The following FSCN2 variants were observed in gnomAD, a reference collection of about 807,000 sequenced individuals.
The protein encoded by FSCN2 is fascin actin-bundling protein 2, retinal, also known as fascin-2.
In FSCN2, 46 loss-of-function variants were observed where a neutral mutation model predicts 37.8. That is an observed-to-expected ratio of 1.22 (90% confidence interval 0.96 to 1.56). The LOEUF (loss-of-function observed/expected upper bound fraction) is 1.56. Among genes scored for constraint, FSCN2 ranks in the 40% most tolerant of loss-of-function variants. The pLI, the probability that FSCN2 is intolerant of heterozygous loss-of-function variation, is 0.00. For synonymous variants in FSCN2, 351 were observed against 309.4 expected, an observed-to-expected ratio of 1.13 and a Z score of -1.41; for missense variants, 844 against 730.4, an observed-to-expected ratio of 1.16 and a Z score of -1.79.
rs189141743 is a variant in FSCN2 at position 81,534,134 on chromosome 17, G to C, written c.827-918G>C. Among the ~76,000 whole-genome samples, 686 of 152,328 alleles carry C rather than the reference G, an allele frequency of 4.5e-3. 6 individuals are homozygous for C. Among genetic ancestry groups the C allele is most frequent in the Middle Eastern group, 0.02 (6 of 294 alleles). On this transcript the variant is annotated intron_variant, in intron 1 of 4. Transcript: ENST00000417245. ...TCTGATCAGTGATGAGTGTGAGGGA[G>C]ATCCCAGCCTGGGGCGTGAGGGGCA...
At chr17:81,515,555 G>A in the FSCN2 span, among the ~76,000 whole-genome samples, 1 of 152,200 alleles carries the variant, frequency 6.6e-6, no homozygotes, top group Non-Finnish European at 1.5e-5. Flanking sequence ...TAGTGGATAC[G>A]ACAACAGTGG....
At position 81,536,678 on chromosome 17, in the gene FSCN2, G is replaced by A. The variant is rs529675478; in HGVS notation, c.1162G>A (p.Gly388Ser). The change falls in exon 4 of 5, where the codon GGC (glycine) becomes AGC (serine). Residue 388 changes from glycine to serine, a missense_variant. Gly to Ser is a moderately conservative substitution (Grantham distance 56). Transcript: ENST00000417245. Reference protein sequence around the residue: ...LINRPILVLRGLDGFVCHHRG... With the variant: ...LINRPILVLRSLDGFVCHHRG... ...CAACCGGCCCATCCTGGTGCTGCGC[G>A]GCCTGGACGGCTTCGTCTGCCACCA... 8.1e-6 allele frequency: 13 copies of A among 1,611,160 alleles called. No individual in the cohort carries two copies. Among genetic ancestry groups the A allele is most frequent in the South Asian group, 7.7e-5 (7 of 90,912 alleles).
rs1274917010 is a variant in FSCN2 at position 81,528,702 on chromosome 17, T to C, written c.171T>C (p.Ala57=). The change falls in exon 1 of 5, where the codon GCT becomes GCC. Residue 57 remains alanine (A), a synonymous_variant. Coordinates refer to ENST00000417245, the MANE Select transcript of FSCN2 (RefSeq NM_012418.4). ...AACCCGACCCAGGACAAGGCACGGC[T>C]GTGCTGCTCCGCAGCAGCCACCTGG... The part of the protein sequence containing the change: ...VLEPDPGQGT[A]VLLRSSHLGR... The C allele has an allele frequency of 1.2e-6, 2 of 1,600,622 alleles. No individual in the cohort carries two copies. The highest frequency in any genetic ancestry group is 2.7e-5 in the African/African-American group (2 of 74,704).
At chr17:81,531,715 T>G (rs2032623204) in intron 1 of FSCN2, among the ~76,000 whole-genome samples, 1 of 116,528 alleles carries the variant, frequency 8.6e-6, no homozygotes, top group African/African-American at 3.8e-5. Flanking sequence ...ATGATAGTGA[T>G]GGTGGTGATG....
chr17:81,516,080 G>A, the FSCN2 span, among the ~76,000 whole-genome samples: 2 of 152,250 alleles, frequency 1.3e-5, no homozygotes, highest in African/African-American at 4.8e-5. Flanking sequence ...CTGACCTTAA[G>A]TGATCCACTC....
rs956779574 is a variant in FSCN2, at chr17:81,536,940, G to A, written c.1339G>A (p.Glu447Lys). The A allele has an allele frequency of 1.1e-5, 18 of 1,571,052 alleles. 1 individual carries two copies. The Admixed American group carries it at 1.6e-4, about 14-fold the overall frequency. ...GSVCSDGERA[E>K]DFVFEFRERG... Reference sequence around the variant, plus strand: ...CGTGTGCAGCGACGGCGAACGCGCCGAGGACTTCGTCTTCGAGTTCCGTGA... The same window carrying A: ...CGTGTGCAGCGACGGCGAACGCGCCAAGGACTTCGTCTTCGAGTTCCGTGA... The change falls in exon 5 of 5, where the codon GAG (glutamate) becomes AAG (lysine). Residue 447 changes from glutamate (E) to lysine (K), a missense_variant. Transcript: ENST00000417245.
At chr17:81,531,317 GAT>G (rs1555671249) in intron 1 of FSCN2, among the ~76,000 whole-genome samples, 11 of 65,696 alleles carry the variant, frequency 1.7e-4, no homozygotes, top group East Asian at 1.3e-3. Flanking sequence ...TGGTGGTGGT[GAT>G]GATGGTGGTG....
rs576893967 is a variant in FSCN2, at chr17:81,532,313, G to A, written c.827-2739G>A. 2.0e-3 allele frequency among the ~76,000 whole-genome samples: 280 copies of A among 141,040 alleles called. 1 individual carries two copies. The highest frequency in any genetic ancestry group is 3.5e-3 in the Non-Finnish European group (233 of 66,060). The allele number at this position is 141,040 out of a possible 152,430, so 92.5% of individuals were successfully genotyped here. On this transcript the variant is annotated intron_variant, in intron 1 of 4. Transcript: ENST00000417245. ...TGGTGATGATGATGATAGTGATGGC[G>A]ATGATGGTGATGATAGTGATGGTGA...
chr17:81,524,943 G>A (rs1313147108), upstream of FSCN2, among the ~76,000 whole-genome samples: 2 of 133,274 alleles, frequency 1.5e-5, no homozygotes, highest in Admixed American at 1.5e-4. Flanking sequence ...CATGCACAAC[G>A]CTGCACCCAT....
Position 81,531,732 on chromosome 17 carries a change from G to A in FSCN2, c.826+2375G>A, listed in dbSNP as rs1434830847. Among the ~76,000 whole-genome samples, 99 of 122,914 alleles carry A rather than the reference G, an allele frequency of 8.1e-4. 8 individuals are homozygous for A. The highest frequency in any genetic ancestry group is 5.2e-3 in the Middle Eastern group (1 of 194). 80.6% of individuals were successfully genotyped at this position (122,914 alleles called of 152,430 possible). A position where few individuals can be genotyped will look rare whatever the true frequency, so the allele number is the denominator to read the frequency against. ...GATAGTGATGGTGGTGATGGTGATG[G>A]TGATGATGGTGATGATAGTGATGGC... On this transcript the variant is annotated intron_variant, in intron 1 of 4. Coordinates refer to ENST00000417245, the MANE Select transcript of FSCN2 (RefSeq NM_012418.4).
the FSCN2 span, chr17:81,519,235 T>G: frequency 1.3e-5 from 2 of 152,256 alleles, no homozygotes; most frequent in Non-Finnish European, 2.9e-5. Context: ...CCCGCGCTCC[T>G]GCGCCCCCTC....
At chr17:81,527,446 C>T (rs1555670252), upstream of FSCN2, 1 of 152,730 alleles carries the variant, frequency 6.5e-6, no homozygotes, top group African/African-American at 2.4e-5. Context: ...GAGCAGGGCC[C>T]AGTGCCCCTC....
At chr17:81,527,694 C>G (rs1210040294), upstream of FSCN2, 1 of 152,254 alleles carries the variant, frequency 6.6e-6, no homozygotes, top group East Asian at 1.9e-4. Flanking sequence ...AGGGGGCAGC[C>G]TCAGGGCCCA....
intron 3 of FSCN2, 98 bp from the exon 4 acceptor site, chr17:81,536,524 C>G (rs751685438): frequency 3.7e-5 from 58 of 1,558,326 alleles, no homozygotes; most frequent in Non-Finnish European, 4.6e-5. Flanking sequence ...GCCTGGGTCC[C>G]TAAGTCCAGG....
Position 81,528,908 on chromosome 17 carries a change from C to A in FSCN2, c.377C>A (p.Ser126Tyr), listed in dbSNP as rs782489845. The change falls in exon 1 of 5, where the codon TCC (serine) becomes TAC (tyrosine). Residue 126 changes from serine to tyrosine, a missense_variant. Coordinates refer to ENST00000417245, the MANE Select transcript of FSCN2 (RefSeq NM_012418.4). ...DQLSCFATAV[S>Y]PAELWTVHLA... ...CTGTCCTGCTTCGCCACAGCCGTTT[C>A]CCCGGCCGAGCTGTGGACCGTGCAC... is the stretch of plus-strand genomic sequence containing the variant. The A allele has an allele frequency of 6.3e-7, 1 of 1,587,580 alleles. No individual in the cohort carries two copies.
intron 1 of FSCN2, among the ~76,000 whole-genome samples, chr17:81,531,168 GTGGTGATGGTGA>G (rs1309523340): frequency 8.0e-6 from 1 of 124,904 alleles, no homozygotes; most frequent in Non-Finnish European, 1.7e-5. Flanking sequence ...GGTGATGATG[GTGGTGATGGTGA>G]TGATGGTGGT....
At chr17:81,534,966 C>T in intron 1 of FSCN2, 86 bp from the exon 2 acceptor site, 2 of 1,001,848 alleles carry the variant, frequency 2.0e-6, no homozygotes, top group Admixed American at 3.0e-5. Context: ...CCACCTCTGG[C>T]TTCAGGGGTG....
chr17:81,518,700 GAA>G, the FSCN2 span, among the ~76,000 whole-genome samples: 2 of 152,176 alleles, frequency 1.3e-5, no homozygotes, highest in South Asian at 4.1e-4. Flanking sequence ...CCGAGGTAGG[GAA>G]AGCCTGTTTA....
chr17:81,531,244 T>C (rs1555671220), intron 1 of FSCN2, among the ~76,000 whole-genome samples: 1 of 123,566 alleles, frequency 8.1e-6, no homozygotes, highest in Non-Finnish European at 1.7e-5. Flanking sequence ...ATGGTGGTGA[T>C]GATGGTGATG....
Sources: gnomAD v4.1 joint callset for allele counts (sites outside exome capture counted in the v4.1 genomes callset) on GRCh38, gnomAD v4.1.1 for gene constraint, MANE v1.5 for transcripts, NCBI Gene and HGNC (gene_info 2026-07-23, HGNC 2026-07-21) for gene names.